HSPA12A: variants seen among roughly 807,000 people sequenced by gnomAD.
HSPA12A encodes heat shock 70 kDa protein 12A.
HSPA12A carries 28 observed loss-of-function variants against 69.2 expected under a neutral mutation model. The ratio of observed to expected loss-of-function variants is 0.40; its 90% CI spans 0.30 to 0.55. The LOEUF (loss-of-function observed/expected upper bound fraction) is 0.55, where lower values mean the gene tolerates loss of function less well. HSPA12A is among the 20% of genes least tolerant of loss of function. The pLI is 0.38. For missense variants in HSPA12A, 686 were observed against 900.7 expected (o/e 0.76, Z 3.05); for synonymous variants, 345 against 370.5 (o/e 0.93, Z 0.79).
intron 6 of HSPA12A, among the ~76,000 whole-genome samples, chr10:116,688,325 G>C (rs997029429): frequency 1.3e-5 from 2 of 152,188 alleles, no homozygotes; most frequent in Admixed American, 1.3e-4. Context: ...CTACATACAG[G>C]AAGTATCTGA....
intron 1 of HSPA12A, among the ~76,000 whole-genome samples, chr10:116,738,386 A>G (rs1564802983): frequency 6.6e-6 from 1 of 152,226 alleles, no homozygotes; most frequent in Non-Finnish European, 1.5e-5. Context: ...GTAAAAAAAA[A>G]TGGAAATGAA....
upstream of HSPA12A, among the ~76,000 whole-genome samples, chr10:116,744,800 C>A (rs1297688738): frequency 1.3e-5 from 2 of 152,236 alleles, no homozygotes; most frequent in East Asian, 3.9e-4. Flanking sequence ...AAGGCTGAGG[C>A]ACCTGTTCAG....
Position 116,685,492 on chromosome 10 carries a change from G to A in HSPA12A, c.664-1530C>T, listed in dbSNP as rs182384018. 3.2e-4 allele frequency among the ~76,000 whole-genome samples: 49 copies of A among 151,774 alleles called. No individual in the cohort carries two copies. In the East Asian group the frequency reaches 9.3e-3, roughly 29 times the overall value. The stretch of plus-strand genomic sequence containing the variant: ...TCTACTAAAAAAAAAAAATAGCTGG[G>A]CATGGTGGGGGCAGTGCCTGTAATC... On this transcript the variant is annotated intron_variant, in intron 6 of 11. Coordinates refer to ENST00000369209, the MANE Select transcript of HSPA12A (RefSeq NM_025015.3).
upstream of HSPA12A, among the ~76,000 whole-genome samples, chr10:116,746,402 T>C (rs1554887817): frequency 6.6e-6 from 1 of 152,170 alleles, no homozygotes; most frequent in African/African-American, 2.4e-5. Context: ...AGGATAATTG[T>C]TGATGGACCA....
At chr10:116,706,319 C>T (rs1850248257) in intron 2 of HSPA12A, among the ~76,000 whole-genome samples, 1 of 151,990 alleles carries the variant, frequency 6.6e-6, no homozygotes, top group Non-Finnish European at 1.5e-5. Flanking sequence ...CCTCACACCG[C>T]TCCCCTCCCT....
At chr10:116,834,621 T>G (rs535195329) in intron 2 of HSPA12A, among the ~76,000 whole-genome samples, 3 of 152,290 alleles carry the variant, frequency 2.0e-5, no homozygotes, top group Non-Finnish European at 4.4e-5. Flanking sequence ...ACGAGGCCGG[T>G]AGGCTACCCG....
rs1388211947 is a variant in HSPA12A at position 116,732,347 on chromosome 10, A to AGAAAGAAAGAAT, written c.40+10082_40+10083insATTCTTTCTTTC. Among the ~76,000 whole-genome samples, 12 of 150,778 alleles carry AGAAAGAAAGAAT rather than the reference A, an allele frequency of 8.0e-5. 1 individual carries two copies. The highest frequency in any genetic ancestry group is 1.8e-4 in the Non-Finnish European group (12 of 67,618). The stretch of plus-strand genomic sequence containing the variant: ...AAAAAACAAAGAAAGAAAGAAAGAA[A>AGAAAGAAAGAAT]GAAAGAGACAGAGGGAAAGAAAACT... On this transcript the variant is annotated intron_variant, in intron 1 of 11. Transcript: ENST00000369209.
At chr10:116,772,281 C>T (rs782689269) in intron 2 of HSPA12A, among the ~76,000 whole-genome samples, 14 of 152,092 alleles carry the variant, frequency 9.2e-5, no homozygotes, top group Non-Finnish European at 1.9e-4. Context: ...ATCCTGTGTA[C>T]AGGTGAAGAG....
At chr10:116,846,945 C>T (rs1166311242) in intron 1 of HSPA12A, among the ~76,000 whole-genome samples, 2 of 152,090 alleles carry the variant, frequency 1.3e-5, no homozygotes, top group Admixed American at 6.5e-5. Context: ...CCTTTATGTC[C>T]TAAATCTATT....
upstream of HSPA12A, among the ~76,000 whole-genome samples, chr10:116,746,775 G>A (rs953750708): frequency 2.4e-4 from 36 of 152,310 alleles, no homozygotes; most frequent in Admixed American, 1.1e-3. Flanking sequence ...TTTCTTGGCT[G>A]ATAAAGACAC....
chr10:116,785,917 C>T (rs1844565632), intron 2 of HSPA12A, among the ~76,000 whole-genome samples: 1 of 152,180 alleles, frequency 6.6e-6, no homozygotes, highest in South Asian at 2.1e-4. Flanking sequence ...CACCCCATGG[C>T]CTACTCAGAC....
chr10:116,719,456 C>T (rs1410091994), intron 1 of HSPA12A, among the ~76,000 whole-genome samples: 1 of 152,240 alleles, frequency 6.6e-6, no homozygotes, highest in East Asian at 1.9e-4. Context: ...CCATGAGCTG[C>T]CAAATCAGCC....
At chr10:116,782,674 C>T (rs1844489211) in intron 2 of HSPA12A, among the ~76,000 whole-genome samples, 1 of 152,150 alleles carries the variant, frequency 6.6e-6, no homozygotes, top group Non-Finnish European at 1.5e-5. Context: ...AGGTAGGGCT[C>T]ATAGACATGC....
Position 116,717,935 on chromosome 10 carries a change from G to GC in HSPA12A, c.41-10651dup, listed in dbSNP as rs1351567104. On this transcript the variant is annotated intron_variant, in intron 1 of 11. Coordinates refer to ENST00000369209, the MANE Select transcript of HSPA12A (RefSeq NM_025015.3). The stretch of plus-strand genomic sequence containing the variant: ...AAAGGAGACCCTCTGGCCCCAGTTT[G>GC]CCCCCCAAGCTGTCTGCTCACCCCA... Among the ~76,000 whole-genome samples the GC allele has an allele frequency of 6.5e-4, 99 of 152,250 alleles. No individual in the cohort carries two copies. The Middle Eastern group carries it at 0.014, about 21-fold the overall frequency.
chr10:116,816,892 TGGTG>T (rs879521138), intron 2 of HSPA12A, among the ~76,000 whole-genome samples: 1 of 152,316 alleles, frequency 6.6e-6, no homozygotes. Flanking sequence ...TTTATTTTTC[TGGTG>T]GGGAAATCAA....
intron 2 of HSPA12A, among the ~76,000 whole-genome samples, chr10:116,809,746 C>T (rs992520970): frequency 5.9e-5 from 9 of 152,348 alleles, no homozygotes; most frequent in African/African-American, 2.2e-4. Flanking sequence ...CAGGCCTGTC[C>T]CCACTACTGC....
chr10:116,803,101 G>C (rs1326461149), intron 2 of HSPA12A, among the ~76,000 whole-genome samples: 1 of 152,266 alleles, frequency 6.6e-6, no homozygotes, highest in African/African-American at 2.4e-5. Flanking sequence ...AGCTGACGCA[G>C]GCGCCACGAG....
At chr10:116,682,970 T>C (rs951803869) in intron 7 of HSPA12A, among the ~76,000 whole-genome samples, 2 of 150,856 alleles carry the variant, frequency 1.3e-5, no homozygotes, top group African/African-American at 4.9e-5. Context: ...CCCAAAGTGC[T>C]GGGATTACAG....
At position 116,810,647 on chromosome 10, in the gene HSPA12A, G is replaced by A. The variant is rs185422793; in HGVS notation, c.91+24288C>T. 7.7e-3 allele frequency among the ~76,000 whole-genome samples: 1,167 copies of A among 152,252 alleles called. 20 individuals are homozygous for A. Among genetic ancestry groups the A allele is most frequent in the African/African-American group, 0.027 (1,101 of 41,540 alleles). ...TGGACCAGCACCATCAAAATGATCTGGAGACTTGTTAGACATGCAAAAATT... is the reference window on the plus strand; with the variant it reads ...TGGACCAGCACCATCAAAATGATCTAGAGACTTGTTAGACATGCAAAAATT... On this transcript the variant is annotated intron_variant, in intron 2 of 12. Coordinates refer to the HSPA12A transcript ENST00000635765.
Sources: allele counts gnomAD v4.1 joint callset (sites outside exome capture counted in the v4.1 genomes callset), GRCh38; gene constraint gnomAD v4.1.1; transcripts MANE v1.5; gene names NCBI Gene and HGNC (gene_info 2026-07-23, HGNC 2026-07-21).